Variants in KCNIP4 observed in about 807,000 individuals in gnomAD.
KCNIP4 encodes Kv channel-interacting protein 4.
KCNIP4 carries 12 observed loss-of-function variants against 34.0 expected under a neutral mutation model. That is an observed-to-expected ratio of 0.35 (90% CI 0.23 to 0.57). KCNIP4 has a LOEUF of 0.57. Ranked by LOEUF, KCNIP4 falls within the 20% of genes least tolerant of loss-of-function variation. The pLI, the probability that KCNIP4 is intolerant of heterozygous loss-of-function variation, is 0.83. For synonymous variants in KCNIP4, 124 were observed against 102.2 expected, an observed-to-expected ratio of 1.21 and a Z score of -1.29; for missense variants, 238 against 311.7, an observed-to-expected ratio of 0.76 and a Z score of 1.78.
At chr4:21,208,992 A>G (rs935829110) in intron 1 of KCNIP4, among the ~76,000 whole-genome samples, 13 of 152,162 alleles carry the variant, frequency 8.5e-5, no homozygotes, top group Non-Finnish European at 1.5e-4. Flanking sequence ...AACCATCCCC[A>G]TGTTCCAATT....
chr4:21,112,042 TATC>T (rs1749244152), intron 1 of KCNIP4, among the ~76,000 whole-genome samples: 1 of 151,852 alleles, frequency 6.6e-6, no homozygotes. Context: ...TCTATCTATC[TATC>T]TATCTATCTA....
intron 1 of KCNIP4, among the ~76,000 whole-genome samples, chr4:21,086,196 T>C (rs947293016): frequency 6.6e-6 from 1 of 152,186 alleles, no homozygotes; most frequent in Non-Finnish European, 1.5e-5. Flanking sequence ...TATTGTCAAG[T>C]GAAAATTATT....
intron 2 of KCNIP4, among the ~76,000 whole-genome samples, chr4:20,861,303 C>T (rs1722170084): frequency 6.6e-6 from 1 of 152,152 alleles, no homozygotes; most frequent in African/African-American, 2.4e-5. Context: ...TTTGACTTTT[C>T]CTGTCTTTAT....
At chr4:21,322,178 A>C (rs1714569831) in intron 1 of KCNIP4, among the ~76,000 whole-genome samples, 1 of 151,548 alleles carries the variant, frequency 6.6e-6, no homozygotes, top group African/African-American at 2.4e-5. Context: ...GGAAGGAAGG[A>C]AGGAAGGAAG....
intron 1 of KCNIP4, among the ~76,000 whole-genome samples, chr4:21,290,310 T>G: frequency 6.6e-6 from 1 of 152,192 alleles, no homozygotes. Flanking sequence ...GTTGATAAAT[T>G]ACTATGTTCC....
At chr4:21,697,650 A>C in intron 1 of KCNIP4, 1 of 1,304,108 alleles carries the variant, frequency 7.7e-7, no homozygotes, top group Non-Finnish European at 9.6e-7. Context: ...AGTAACAGGG[A>C]GGTGAGAAAA....
chr4:21,596,550 C>G (rs1244618818), intron 1 of KCNIP4, among the ~76,000 whole-genome samples: 1 of 152,046 alleles, frequency 6.6e-6, no homozygotes, highest in Non-Finnish European at 1.5e-5. Flanking sequence ...AAACCCCCCT[C>G]CCTATCTCCA....
intron 1 of KCNIP4, among the ~76,000 whole-genome samples, chr4:21,695,187 T>G (rs989619488): frequency 6.6e-6 from 1 of 152,110 alleles, no homozygotes; most frequent in African/African-American, 2.4e-5. Context: ...CTCTGTAATA[T>G]GAATGGTGTA....
chr4:21,045,521 A>C (rs2149785008), intron 1 of KCNIP4, among the ~76,000 whole-genome samples: 1 of 152,320 alleles, frequency 6.6e-6, no homozygotes, highest in East Asian at 1.9e-4. Flanking sequence ...CAAGCAAAAC[A>C]GGTCTCACCC....
At chr4:20,897,979 T>G (rs1294472313) in intron 1 of KCNIP4, among the ~76,000 whole-genome samples, 1 of 152,142 alleles carries the variant, frequency 6.6e-6, no homozygotes, top group Non-Finnish European at 1.5e-5. Context: ...CAGAAGATAG[T>G]AGCATTCAAA....
intron 1 of KCNIP4, among the ~76,000 whole-genome samples, chr4:21,776,921 C>T (rs141881319): frequency 9.8e-4 from 149 of 152,254 alleles, no homozygotes; most frequent in African/African-American, 3.3e-3. Context: ...CACCACTACA[C>T]CTGGCTAATT....
intron 1 of KCNIP4, among the ~76,000 whole-genome samples, chr4:21,692,549 T>C (rs1189700475): frequency 2.0e-5 from 3 of 152,214 alleles, no homozygotes; most frequent in Non-Finnish European, 4.4e-5. Flanking sequence ...CTTTGCTTTC[T>C]TTTAGCTTCA....
At chr4:21,156,362 T>G (rs920378808) in intron 1 of KCNIP4, among the ~76,000 whole-genome samples, 1 of 152,126 alleles carries the variant, frequency 6.6e-6, no homozygotes, top group African/African-American at 2.4e-5. Flanking sequence ...GCTAAAATGG[T>G]TATGAAAGTG....
intron 1 of KCNIP4, among the ~76,000 whole-genome samples, chr4:20,891,061 A>G (rs1215684447): frequency 1.3e-5 from 2 of 152,212 alleles, no homozygotes; most frequent in Admixed American, 6.5e-5. Flanking sequence ...TAATTTCACC[A>G]TAATGAGAAC....
chr4:21,065,494 C>T (rs892505982), intron 1 of KCNIP4, among the ~76,000 whole-genome samples: 1 of 151,910 alleles, frequency 6.6e-6, no homozygotes, highest in Non-Finnish European at 1.5e-5. Context: ...CTAAAAAAAT[C>T]ATATTTAATT....
chr4:20,760,992 C>G (rs1191825408), intron 3 of KCNIP4, among the ~76,000 whole-genome samples: 1 of 152,142 alleles, frequency 6.6e-6, no homozygotes, highest in Non-Finnish European at 1.5e-5. Flanking sequence ...AAAATTGCGG[C>G]TTTTGCTATT....
intron 1 of KCNIP4, among the ~76,000 whole-genome samples, chr4:21,618,302 C>T (rs754082978): frequency 1.3e-5 from 2 of 151,902 alleles, no homozygotes; most frequent in African/African-American, 4.8e-5. Context: ...AACAATACTC[C>T]CTTTAAAAAA....
At chr4:20,788,024 T>G (rs1431810146) in intron 3 of KCNIP4, among the ~76,000 whole-genome samples, 2 of 152,190 alleles carry the variant, frequency 1.3e-5, no homozygotes, top group African/African-American at 2.4e-5. Context: ...CCCTATTTTT[T>G]TCTTTCCTGA....
intron 5 of KCNIP4, among the ~76,000 whole-genome samples, chr4:20,742,202 C>T (rs538708312): frequency 2.0e-5 from 3 of 152,274 alleles, no homozygotes; most frequent in African/African-American, 7.2e-5. Flanking sequence ...AAGAGGGAAT[C>T]CTCCCTAACT....
Sources: gnomAD v4.1 joint callset for allele counts (sites outside exome capture counted in the v4.1 genomes callset) on GRCh38, gnomAD v4.1.1 for gene constraint, MANE v1.5 for transcripts, NCBI Gene and HGNC (gene_info 2026-07-23, HGNC 2026-07-21) for gene names.